PPIG: variants seen among roughly 807,000 people sequenced by gnomAD.
PPIG encodes peptidylprolyl isomerase G, also known as peptidyl-prolyl cis-trans isomerase G.
In PPIG, 26 loss-of-function variants were observed where a neutral mutation model predicts 87.9. The ratio of observed to expected loss-of-function variants is 0.30; its 90% CI spans 0.22 to 0.41. PPIG has a LOEUF of 0.41. Among genes scored for constraint, PPIG ranks in the 10% least tolerant of loss-of-function variants. The probability of loss-of-function intolerance (pLI) is 1.00; values close to 1 mark genes in which losing one functional copy is unlikely to be tolerated. For synonymous variants in PPIG, 308 were observed against 276.5 expected, an observed-to-expected ratio of 1.11 and a Z score of -1.13; for missense variants, 722 against 879.4, an observed-to-expected ratio of 0.82 and a Z score of 2.26.
chr2:169,633,071 C>T (rs777826465), intron 11 of PPIG, 89 bp from the exon 12 acceptor site: 31 of 1,006,712 alleles, frequency 3.1e-5, no homozygotes, highest in Non-Finnish European at 3.9e-5. Context: ...CCACCGCACC[C>T]GGCCCAGATT....
rs61375406 is a variant in PPIG at position 169,594,625 on chromosome 2, C to CTTT, written c.-69-8998_-69-8996dup. Among the ~76,000 whole-genome samples, 35 of 114,606 alleles carry CTTT rather than the reference C, an allele frequency of 3.1e-4. 1 individual carries two copies. Among genetic ancestry groups the CTTT allele is most frequent in the African/African-American group, 5.5e-4 (16 of 29,166 alleles). The allele number at this position is 114,606 out of a possible 152,430, so 75.2% of individuals were successfully genotyped here. On this transcript the variant is annotated intron_variant, in intron 1 of 13. Transcript: ENST00000260970. ...CTTCTTCAGTTTTACTCTTTCTTTT[C>CTTT]TTTTTTTTTTTTTTTTTTTTTGAGA...
intron 11 of PPIG, among the ~76,000 whole-genome samples, chr2:169,632,233 G>A (rs897078907): frequency 1.3e-5 from 2 of 152,168 alleles, no homozygotes; most frequent in Non-Finnish European, 2.9e-5. Context: ...AAACAAGATA[G>A]TGTTTTATAG....
rs1347570866 is a variant in PPIG, at chr2:169,608,747, A to C, written c.366A>C (p.Ser122=). The C allele has an allele frequency of 3.1e-6, 5 of 1,596,856 alleles. No homozygotes were observed. In the East Asian group the frequency reaches 1.1e-4, roughly 36 times the overall value. The change falls in exon 7 of 14, where the codon TCA becomes TCC. Residue 122 remains serine, a synonymous_variant. Transcript: ENST00000260970. ...MANRGKDTNG[S]QFFITTKPTP... is the part of the protein sequence containing the mutation. ...ACAGAGGGAAGGATACAAATGGTTC[A>C]CAGTTCTTCATGTAAGTATTTATTA...
intron 9 of PPIG, among the ~76,000 whole-genome samples, chr2:169,621,573 A>T (rs548130642): frequency 6.6e-6 from 1 of 152,246 alleles, no homozygotes; most frequent in Non-Finnish European, 1.5e-5. Flanking sequence ...AATACTAAAA[A>T]TAAAAAAAAT....
chr2:169,593,140 A>G (rs1684914103), intron 1 of PPIG, among the ~76,000 whole-genome samples: 1 of 151,766 alleles, frequency 6.6e-6, no homozygotes, highest in South Asian at 2.1e-4. Flanking sequence ...ATATATATAT[A>G]TATCTTAGGA....
intron 1 of PPIG, among the ~76,000 whole-genome samples, chr2:169,599,521 G>T (rs955242886): frequency 2.0e-5 from 3 of 151,966 alleles, no homozygotes; most frequent in African/African-American, 7.3e-5. Context: ...AGATATTCCA[G>T]TACATAGAAT....
At chr2:169,606,171 TA>T (rs1177613169) in intron 5 of PPIG, 25 bp downstream of exon 5, 2 of 1,491,798 alleles carry the variant, frequency 1.3e-6, no homozygotes, top group East Asian at 2.3e-5. Flanking sequence ...AATCATGTAT[TA>T]TTTTCTGTTA....
At chr2:169,587,922 G>T (rs574396027) in intron 1 of PPIG, among the ~76,000 whole-genome samples, 2 of 152,166 alleles carry the variant, frequency 1.3e-5, no homozygotes, top group South Asian at 2.1e-4. Context: ...TTGGGAGGCC[G>T]AGGCGGGTGG....
At chr2:169,623,832 G>A (rs1644080815) in intron 9 of PPIG, among the ~76,000 whole-genome samples, 1 of 152,116 alleles carries the variant, frequency 6.6e-6, no homozygotes, top group African/African-American at 2.4e-5. Context: ...TATTTTGATG[G>A]TGATTTCAGA....
At chr2:169,626,623 C>G (rs1349933089) in intron 9 of PPIG, among the ~76,000 whole-genome samples, 3 of 152,154 alleles carry the variant, frequency 2.0e-5, no homozygotes, top group African/African-American at 7.2e-5. Context: ...CTCCTGACTT[C>G]AGGTGTTCTG....
At position 169,637,369 on chromosome 2, in the gene PPIG, C is replaced by T. The variant is rs762843415; in HGVS notation, c.2111C>T (p.Ser704Phe). Reference sequence around the variant, plus strand: ...AGTCAGGACAATGAATTAAAGTCCTCCATGTTGAAAAATAAGGAGGATGAG... The same window carrying T: ...AGTCAGGACAATGAATTAAAGTCCTTCATGTTGAAAAATAAGGAGGATGAG... Reference protein sequence around the residue: ...QSSQDNELKSSMLKNKEDEKI... With the variant: ...QSSQDNELKSFMLKNKEDEKI... The change falls in exon 14 of 14, where the codon TCC (serine) becomes TTC (phenylalanine). Residue 704 changes from serine (S) to phenylalanine (F), a missense_variant. Transcript: ENST00000260970. 3 of 1,611,600 alleles carry T rather than the reference C, an allele frequency of 1.9e-6. No homozygotes were observed. The highest frequency in any genetic ancestry group is 1.7e-5 in the Admixed American group (1 of 59,720).
At chr2:169,633,950 C>T (rs1574465931) in intron 12 of PPIG, among the ~76,000 whole-genome samples, 1 of 151,958 alleles carries the variant, frequency 6.6e-6, no homozygotes, top group Admixed American at 6.6e-5. Context: ...GCCTCAGCTC[C>T]CCCTAGTAGC....
In PPIG at chr2:169,640,296, TTG is replaced by T. The variant is rs2105529053; in HGVS notation, c.*2776_*2777del. The T allele has an allele frequency of 6.6e-6, 1 of 152,326 alleles. No homozygotes were observed. The highest frequency in any genetic ancestry group is 1.9e-4 in the East Asian group (1 of 5,184). The allele number at this position is 152,326 out of a possible 1,614,324, so 9.4% of individuals were successfully genotyped here. On this transcript the variant is annotated 3_prime_UTR_variant, in exon 14 of 14. Coordinates refer to ENST00000260970, the MANE Select transcript of PPIG (RefSeq NM_004792.3). The stretch of plus-strand genomic sequence containing the variant: ...GGCTTTGCGGAATGACCTTTGATAT[TTG>T]TGCCTAGTGGAAGGTATGGAGCTAA...
intron 1 of PPIG, among the ~76,000 whole-genome samples, chr2:169,590,534 C>T (rs568601613): frequency 3.4e-4 from 52 of 152,038 alleles, no homozygotes; most frequent in African/African-American, 1.2e-3. Context: ...CCCAGCTACT[C>T]GGGAGGCTGA....
intron 1 of PPIG, among the ~76,000 whole-genome samples, chr2:169,585,551 G>A (rs990934385): frequency 2.0e-5 from 3 of 152,048 alleles, no homozygotes; most frequent in Admixed American, 6.6e-5. Context: ...GAGCCACCGC[G>A]CACGGCCAGC....
intron 9 of PPIG, among the ~76,000 whole-genome samples, chr2:169,627,202 G>A (rs1274424092): frequency 1.3e-5 from 2 of 152,060 alleles, no homozygotes; most frequent in African/African-American, 4.8e-5. Flanking sequence ...GGGTTCAAGC[G>A]ATTCTCGTAC....
In PPIG at chr2:169,632,747, AAAT is replaced by A. The variant is rs60752395; in HGVS notation, c.930-395_930-393del. On this transcript the variant is annotated intron_variant, in intron 11 of 13. Transcript: ENST00000260970. ...GTGACAGAGTGAGACTCCGTCTCAA[AAAT>A]AATAATAATAATAATAACTATGTCC... Among the ~76,000 whole-genome samples the A allele has an allele frequency of 6.0e-5, 9 of 149,478 alleles. No homozygotes were observed. In the South Asian group the frequency reaches 8.5e-4, roughly 14 times the overall value.
intron 9 of PPIG, among the ~76,000 whole-genome samples, chr2:169,630,237 A>G (rs969408008): frequency 6.6e-6 from 1 of 151,928 alleles, no homozygotes; most frequent in East Asian, 1.9e-4. Context: ...AAAACATTCT[A>G]TTCATCATGG....
chr2:169,628,251 A>G (rs1445221904), intron 9 of PPIG, among the ~76,000 whole-genome samples: 1 of 152,180 alleles, frequency 6.6e-6, no homozygotes, highest in East Asian at 1.9e-4. Context: ...CGTATATCCC[A>G]AACATCTCAC....
Sources: gnomAD v4.1 joint callset for allele counts (sites outside exome capture counted in the v4.1 genomes callset) on GRCh38, gnomAD v4.1.1 for gene constraint, MANE v1.5 for transcripts, NCBI Gene and HGNC (gene_info 2026-07-23, HGNC 2026-07-21) for gene names.